Variants in HTR6 observed in about 807,000 individuals in gnomAD.
HTR6 encodes 5-hydroxytryptamine (serotonin) receptor 6, G protein-coupled.
HTR6 carries 15 observed loss-of-function variants against 17.4 expected under a neutral mutation model. The observed-to-expected ratio is 0.86, with a 90% CI of 0.58 to 1.33. HTR6 has a LOEUF of 1.33. Ranked by LOEUF, HTR6 falls within the 40% of genes most tolerant of loss-of-function variation. The probability of loss-of-function intolerance (pLI) is 0.00; values close to 1 mark genes in which losing one functional copy is unlikely to be tolerated. For synonymous variants in HTR6, 326 were observed against 295.5 expected (o/e 1.10, Z -1.06); for missense variants, 578 against 616.0 (o/e 0.94, Z 0.65).
rs562608638 is a variant in HTR6 at position 19,671,353 on chromosome 1, G to A, written c.714+4886G>A. Among the ~76,000 whole-genome samples, 3 of 152,264 alleles carry A rather than the reference G, an allele frequency of 2.0e-5. No homozygotes were observed. The East Asian group carries it at 5.8e-4, about 29-fold the overall frequency. On this transcript the variant is annotated intron_variant, in intron 1 of 2. Transcript: ENST00000289753. ...TTCTAATCCCCCCGCTTTCTGGAAA[G>A]CCCATTCTCTTGGTTTGAACGTGAC...
In HTR6 at chr1:19,679,201, T is replaced by C; in HGVS notation, c.1156T>C (p.Ser386Pro). 6.4e-7 allele frequency: 1 copy of C among 1,572,606 alleles called. No individual in the cohort carries two copies. Among genetic ancestry groups the C allele is most frequent in the Non-Finnish European group, 8.6e-7 (1 of 1,161,750 alleles). ...CTCAGATTCGGACTCAGACGCAGGC[T>C]CAGGCGGCTCCTCGGGCCTGCGGCT... is the stretch of plus-strand genomic sequence containing the variant. Reference protein sequence around the residue: ...PDSDSDSDAGSGGSSGLRLTA... With the variant: ...PDSDSDSDAGPGGSSGLRLTA... Residue 386 changes from serine to proline, a missense_variant, in exon 3 of 3, where the codon TCA becomes CCA. Physicochemically the swap from Ser to Pro is moderately conservative, Grantham distance 74 (BLOSUM62 -1). Coordinates refer to ENST00000289753, the MANE Select transcript of HTR6 (RefSeq NM_000871.3). The surrounding 1 kb of genome is among the most constrained non-coding windows in gnomAD (Gnocchi z 4.9).
intron 1 of HTR6, among the ~76,000 whole-genome samples, chr1:19,675,714 G>A (rs1031178684): frequency 6.6e-6 from 1 of 152,006 alleles, no homozygotes; most frequent in Non-Finnish European, 1.5e-5. Flanking sequence ...GGGTCAGAGC[G>A]ATGCCTGGAT....
At chr1:19,674,104 G>C (rs1420772371) in intron 1 of HTR6, among the ~76,000 whole-genome samples, 1 of 152,114 alleles carries the variant, frequency 6.6e-6, no homozygotes, top group Non-Finnish European at 1.5e-5. Flanking sequence ...CTGGACTCAA[G>C]CAATCCACCT....
In HTR6 at chr1:19,680,637, T is replaced by G. The variant is rs1274842097; in HGVS notation, c.*1269T>G. Among the ~76,000 whole-genome samples, 1 of 151,842 alleles carries G rather than the reference T, an allele frequency of 6.6e-6. No individual in the cohort carries two copies. Among genetic ancestry groups the G allele is most frequent in the Non-Finnish European group, 1.5e-5 (1 of 67,984 alleles). On this transcript the variant is annotated 3_prime_UTR_variant, in exon 3 of 3. Coordinates refer to ENST00000289753, the MANE Select transcript of HTR6 (RefSeq NM_000871.3). ...AGCTACTTGGGTCAGCAGAGTAGAG[T>G]CAAAGAGCTGTTCCTGGTGTGAGGT...
At chr1:19,672,583 G>C (rs190990032) in intron 1 of HTR6, among the ~76,000 whole-genome samples, 1 of 152,266 alleles carries the variant, frequency 6.6e-6, no homozygotes, top group Non-Finnish European at 1.5e-5. Context: ...TGGCTGGTTA[G>C]GGTTCAAGCC....
chr1:19,669,568 G>A (rs192328612), intron 1 of HTR6, among the ~76,000 whole-genome samples: 22 of 152,210 alleles, frequency 1.4e-4, no homozygotes, highest in African/African-American at 4.6e-4. Context: ...TGCTTTGCTC[G>A]GGGACCCCAC....
rs2095081779 is a variant in HTR6 at position 19,666,409 on chromosome 1, C to T, written c.656C>T (p.Ala219Val). The T allele has an allele frequency of 6.2e-7, 1 of 1,613,420 alleles. No homozygotes were observed. The highest frequency in any genetic ancestry group is 1.3e-5 in the African/African-American group (1 of 74,936). ...ATCCTGCTAGCTGCCCGCAAGCAGGCCGTGCAGGTGGCCTCCCTCACCACC... is the reference window on the plus strand; with the variant it reads ...ATCCTGCTAGCTGCCCGCAAGCAGGTCGTGCAGGTGGCCTCCCTCACCACC... ...CRILLAARKQAVQVASLTTGM... is the reference protein window; with the variant it reads ...CRILLAARKQVVQVASLTTGM... The change falls in exon 1 of 3, where the codon GCC becomes GTC. Residue 219 changes from alanine to valine, a missense_variant. Physicochemically the swap from Ala to Val is moderately conservative, Grantham distance 64. Transcript: ENST00000289753. This position sits in a 1 kb window ranked among gnomAD's most constrained non-coding sequence, Gnocchi z 4.5.
chr1:19,674,269 G>A (rs2095091634), intron 1 of HTR6, among the ~76,000 whole-genome samples: 1 of 152,140 alleles, frequency 6.6e-6, no homozygotes. Flanking sequence ...GGATCATGCT[G>A]TATCTATTAC....
chr1:19,669,837 T>C (rs1204959868), intron 1 of HTR6, among the ~76,000 whole-genome samples: 1 of 152,190 alleles, frequency 6.6e-6, no homozygotes, highest in Non-Finnish European at 1.5e-5. Context: ...GGTTTCACCA[T>C]GTTGGCCAGG....
In HTR6 at chr1:19,665,702, C is replaced by A; in HGVS notation, c.-52C>A. 1 of 1,231,690 alleles carries A rather than the reference C, an allele frequency of 8.1e-7. No individual in the cohort carries two copies. Among genetic ancestry groups the A allele is most frequent in the South Asian group, 1.6e-5 (1 of 60,636 alleles). The allele number at this position is 1,231,690 out of a possible 1,614,324, so 76.3% of individuals were successfully genotyped here. On this transcript the variant is annotated 5_prime_UTR_variant, in exon 1 of 3. Coordinates refer to ENST00000289753, the MANE Select transcript of HTR6 (RefSeq NM_000871.3). The surrounding 1 kb of genome is among the most constrained non-coding windows in gnomAD (Gnocchi z 4.2). ...CCAGCCTGCGCTTCGCCGGGGCCCT[C>A]ATCTGCTTTCCCGCCACCCTATCAC...
chr1:19,679,506 T>C lies in HTR6; in HGVS notation c.*138T>C. 1 of 1,271,118 alleles carries C rather than the reference T, an allele frequency of 7.9e-7. No individual in the cohort carries two copies. The highest frequency in any genetic ancestry group is 1.0e-6 in the Non-Finnish European group (1 of 952,790). The allele number at this position is 1,271,118 out of a possible 1,614,324, so 78.7% of individuals were successfully genotyped here. A position where few individuals can be genotyped will look rare whatever the true frequency, so the allele number is the denominator to read the frequency against. On this transcript the variant is annotated 3_prime_UTR_variant, in exon 3 of 3. Transcript: ENST00000289753. This position sits in a 1 kb window ranked among gnomAD's most constrained non-coding sequence, Gnocchi z 4.9. Reference sequence around the variant, plus strand: ...TGAGCTCCAGAGGGGTGCGCAGAGCTGACCCCCTGCTGCCATCTCCAGGCC... The same window carrying C: ...TGAGCTCCAGAGGGGTGCGCAGAGCCGACCCCCTGCTGCCATCTCCAGGCC...
At chr1:19,670,898 G>T (rs2095087286) in intron 1 of HTR6, among the ~76,000 whole-genome samples, 1 of 152,108 alleles carries the variant, frequency 6.6e-6, no homozygotes, top group African/African-American at 2.4e-5. Flanking sequence ...CTGTTTGTGC[G>T]GTTGCCTGTT....
intron 1 of HTR6, among the ~76,000 whole-genome samples, chr1:19,675,875 ACT>A (rs981460912): frequency 2.6e-5 from 4 of 152,026 alleles, no homozygotes; most frequent in African/African-American, 9.7e-5. Context: ...TATAGAGTCC[ACT>A]CTGGAGGAGA....
At position 19,678,646 on chromosome 1, in the gene HTR6, A is replaced by G; in HGVS notation, c.794A>G (p.Lys265Arg). The change falls in exon 2 of 3, where the codon AAG (lysine) becomes AGG (arginine). Residue 265 changes from lysine to arginine, a missense_variant. Coordinates refer to ENST00000289753, the MANE Select transcript of HTR6 (RefSeq NM_000871.3). ...ACGAAGCACAGCAGGAAGGCCCTGA[A>G]GGCCAGCCTGACGCTGGGCATCCTG... The part of the protein sequence containing the change: ...LATKHSRKAL[K>R]ASLTLGILLG... 1.2e-6 allele frequency: 2 copies of G among 1,613,826 alleles called. No homozygotes were observed. The highest frequency in any genetic ancestry group is 1.3e-5 in the African/African-American group (1 of 75,042).
chr1:19,678,819 T>G (rs2095097563), intron 2 of HTR6, 94 bp downstream of exon 2: 2 of 1,557,764 alleles, frequency 1.3e-6, no homozygotes, highest in Non-Finnish European at 1.7e-6. Flanking sequence ...GTAGGCTGCC[T>G]CTCGTGGTGC....
rs1459004756 is a variant in HTR6, at chr1:19,666,884, C to G, written c.714+417C>G. Among the ~76,000 whole-genome samples, 1 of 152,072 alleles carries G rather than the reference C, an allele frequency of 6.6e-6. No homozygotes were observed. The highest frequency in any genetic ancestry group is 1.5e-5 in the Non-Finnish European group (1 of 68,018). On this transcript the variant is annotated intron_variant, in intron 1 of 2. Transcript: ENST00000289753. This position sits in a 1 kb window ranked among gnomAD's most constrained non-coding sequence, Gnocchi z 4.5. ...TGCCATCTCCCCTGCCACTTCCTAC[C>G]GGGGAGGCTGTGTAGACTTCTCCTG... is the stretch of plus-strand genomic sequence containing the variant.
chr1:19,672,586 T>C (rs1393130667), intron 1 of HTR6, among the ~76,000 whole-genome samples: 1 of 151,840 alleles, frequency 6.6e-6, no homozygotes, highest in Non-Finnish European at 1.5e-5. Context: ...CTGGTTAGGG[T>C]TCAAGCCCTG....
rs2100467327 is a variant in HTR6 at position 19,666,537 on chromosome 1, G to A, written c.714+70G>A. 8.5e-7 allele frequency: 1 copy of A among 1,171,816 alleles called. No individual in the cohort carries two copies. Among genetic ancestry groups the A allele is most frequent in the Middle Eastern group, 2.7e-4 (1 of 3,668 alleles). 72.6% of individuals were successfully genotyped at this position (1,171,816 alleles called of 1,614,324 possible). A position where few individuals can be genotyped will look rare whatever the true frequency, so the allele number is the denominator to read the frequency against. ...AATGAGCAGCCCCTGGGGACCCCCT[G>A]GGCATCCCCACTTAGCACACATTTG... On this transcript the variant is annotated intron_variant, in intron 1 of 2. Transcript: ENST00000289753. This position sits in a 1 kb window ranked among gnomAD's most constrained non-coding sequence, Gnocchi z 4.5.
In HTR6 at chr1:19,665,636, G is replaced by A. The variant is rs1017009648; in HGVS notation, c.-118G>A. ...GTCCCCCCACTCACCTCCCCCGGGGGGCGTGGTGAGTCGCGGTCTGTTCTC... is the reference window on the plus strand; with the variant it reads ...GTCCCCCCACTCACCTCCCCCGGGGAGCGTGGTGAGTCGCGGTCTGTTCTC... On this transcript the variant is annotated 5_prime_UTR_variant, in exon 1 of 3. Transcript: ENST00000289753. The surrounding 1 kb of genome is among the most constrained non-coding windows in gnomAD (Gnocchi z 4.2). 5.9e-6 allele frequency: 4 copies of A among 681,820 alleles called. No homozygotes were observed. Among genetic ancestry groups the A allele is most frequent in the Non-Finnish European group, 9.6e-6 (4 of 416,834 alleles). 42.2% of individuals were successfully genotyped at this position (681,820 alleles called of 1,614,324 possible). A position where few individuals can be genotyped will look rare whatever the true frequency, so the allele number is the denominator to read the frequency against.
Sources: gnomAD v4.1 joint callset for allele counts (sites outside exome capture counted in the v4.1 genomes callset) on GRCh38, gnomAD v4.1.1 for gene constraint, Gnocchi (gnomAD v3.1) non-coding constraint, MANE v1.5 for transcripts, NCBI Gene and HGNC (gene_info 2026-07-23, HGNC 2026-07-21) for gene names.